FANCI: variants seen among roughly 807,000 people sequenced by gnomAD.
FANCI encodes the protein Fanconi anemia group I protein.
In FANCI, 156 loss-of-function variants were observed where a neutral mutation model predicts 176.1. That is an observed-to-expected ratio of 0.89 (90% CI 0.78 to 1.01). FANCI has a LOEUF of 1.01. FANCI is among the 50% of genes least tolerant of loss of function. The probability of loss-of-function intolerance (pLI) is 0.00; values close to 1 mark genes in which losing one functional copy is unlikely to be tolerated. For synonymous variants in FANCI, 613 were observed against 541.7 expected (o/e 1.13, Z -1.83); for missense variants, 1,678 against 1,534.1 (o/e 1.09, Z -1.57).
rs2054160564 is a variant in FANCI at position 89,293,944 on chromosome 15, T to C, written c.2403T>C (p.Ser801=). Residue 801 remains serine (S), a synonymous_variant, in exon 23 of 38, where the codon AGT becomes AGC. Coordinates refer to ENST00000310775, the MANE Select transcript of FANCI (RefSeq NM_001113378.2). ...KAKTKMANKT[S]DSLLSMKFVS... Reference sequence around the variant, plus strand: ...AAACTAAAATGGCCAACAAGACAAGTGATAGTCTTTTGTCCATGAAATTTG... The same window carrying C: ...AAACTAAAATGGCCAACAAGACAAGCGATAGTCTTTTGTCCATGAAATTTG... The C allele has an allele frequency of 6.2e-7, 1 of 1,614,120 alleles. No individual in the cohort carries two copies. Among genetic ancestry groups the C allele is most frequent in the African/African-American group, 1.3e-5 (1 of 75,006 alleles).
Position 89,300,350 on chromosome 15 carries a change from A to C in FANCI, c.2854A>C (p.Thr952Pro). Residue 952 changes from threonine to proline, a missense_variant, in exon 26 of 38, where the codon ACT (threonine) becomes CCT (proline). By Grantham distance (38) the Thr-to-Pro change is conservative (BLOSUM62 -1). Around this residue, in one of 3 missense-constraint regions of FANCI, gnomAD observed 1,204 missense variants for 1,077.4 expected, o/e 1.12. Coordinates refer to ENST00000310775, the MANE Select transcript of FANCI (RefSeq NM_001113378.2). ...GAGAGAAGATGCAGATGTCAGTGTCACTCAGAGAACAGCATTCCAGATCCG... is the reference window on the plus strand; with the variant it reads ...GAGAGAAGATGCAGATGTCAGTGTCCCTCAGAGAACAGCATTCCAGATCCG... Reference protein sequence around the residue: ...EEREDADVSVTQRTAFQIRQF... With the variant: ...EEREDADVSVPQRTAFQIRQF... 6.2e-7 allele frequency: 1 copy of C among 1,614,054 alleles called. No individual in the cohort carries two copies. Among genetic ancestry groups the C allele is most frequent in the Non-Finnish European group, 8.5e-7 (1 of 1,179,930 alleles).
intron 12 of FANCI, among the ~76,000 whole-genome samples, chr15:89,276,041 C>T (rs551100610): frequency 1.3e-5 from 2 of 152,222 alleles, no homozygotes; most frequent in Non-Finnish European, 2.9e-5. Flanking sequence ...CCATAACTGT[C>T]TACTTCATTC....
At chr15:89,265,645 T>C (rs1411769787) in intron 9 of FANCI, among the ~76,000 whole-genome samples, 1 of 152,020 alleles carries the variant, frequency 6.6e-6, no homozygotes, top group African/African-American at 2.4e-5. Flanking sequence ...TCCCTCAGCC[T>C]CCTGAGTAGC....
At chr15:89,295,384 A>AT (rs755421512) in intron 24 of FANCI, among the ~76,000 whole-genome samples, 2 of 143,660 alleles carry the variant, frequency 1.4e-5, no homozygotes, top group East Asian at 4.1e-4. Context: ...AAAAAAAAAA[A>AT]GCCAGACATG....
Position 89,281,839 on chromosome 15 carries a change from T to G in FANCI, c.1583+4T>G. ...TTCGGAAAGCTATGTTTGCCAAGTATGTAGCATCTTTTTCTATCATAGGAA... is the reference window on the plus strand; with the variant it reads ...TTCGGAAAGCTATGTTTGCCAAGTAGGTAGCATCTTTTTCTATCATAGGAA... On this transcript the variant is annotated splice_donor_region_variant and intron_variant, in intron 16 of 37. Transcript: ENST00000310775. The G allele has an allele frequency of 6.2e-7, 1 of 1,613,340 alleles. No individual in the cohort carries two copies. The highest frequency in any genetic ancestry group is 8.5e-7 in the Non-Finnish European group (1 of 1,179,460).
At chr15:89,317,206 A>G (rs182146869), downstream of FANCI, 43 of 654,926 alleles carry the variant, frequency 6.6e-5, no homozygotes, top group East Asian at 7.1e-4. Flanking sequence ...CTGAAACATC[A>G]TATCACATTC....
chr15:89,268,520 T>G lies in FANCI; in HGVS notation c.877T>G (p.Leu293Val). 1 of 1,614,176 alleles carries G rather than the reference T, an allele frequency of 6.2e-7. No homozygotes were observed. The highest frequency in any genetic ancestry group is 8.5e-7 in the Non-Finnish European group (1 of 1,180,010). ...YELGRELVKH[L>V]KVGQQGDSNN... ...ACTAGGCAGAGAACTCGTGAAACACTTAAAGGTAGCATCAAACTTGTAAGG... is the reference window on the plus strand; with the variant it reads ...ACTAGGCAGAGAACTCGTGAAACACGTAAAGGTAGCATCAAACTTGTAAGG... Residue 293 changes from leucine to valine, a missense_variant, in exon 10 of 38, where the codon TTA becomes GTA. Physicochemically the swap from Leu to Val is conservative, Grantham distance 32 (BLOSUM62 1). This residue lies in a region of FANCI where 469 missense variants were observed against 436.9 expected (regional missense o/e 1.07). Coordinates refer to ENST00000310775, the MANE Select transcript of FANCI (RefSeq NM_001113378.2).
rs2054704572 is a variant in FANCI, at chr15:89,306,024, G to C, written c.3367G>C (p.Ala1123Pro). The C allele has an allele frequency of 2.5e-6, 4 of 1,613,914 alleles. No homozygotes were observed. The African/African-American group carries it at 5.3e-5, about 22-fold the overall frequency. ...CCCTTTAGAAGAGGCCTCTTCTCAG[G>C]CAACCCTACCAAATCAGCCTGTTGA... Reference protein sequence around the residue: ...ETLSEEASSQATLPNQPVEKA... With the variant: ...ETLSEEASSQPTLPNQPVEKA... Residue 1123 changes from alanine (A) to proline (P), a missense_variant, in exon 32 of 38, where the codon GCA (alanine) becomes CCA (proline). By Grantham distance (27) the Ala-to-Pro change is conservative. Around this residue, in one of 3 missense-constraint regions of FANCI, gnomAD observed 1,204 missense variants for 1,077.4 expected, o/e 1.12. Transcript: ENST00000310775.
rs1453688600 is a variant in FANCI, at chr15:89,316,984, TTCTTTTTATA to T, written c.*527_*536del. 4.6e-5 allele frequency: 31 copies of T among 670,900 alleles called. No individual in the cohort carries two copies. In the East Asian group the frequency reaches 8.4e-4, roughly 18 times the overall value. The allele number at this position is 670,900 out of a possible 1,614,324, so 41.6% of individuals were successfully genotyped here. On this transcript the variant is annotated 3_prime_UTR_variant, in exon 38 of 38. Transcript: ENST00000310775. The stretch of plus-strand genomic sequence containing the variant: ...ATGTTACATGTTAGGAGGGTCTGTT[TTCTTTTTATA>T]TAAGTGTGTCTTAGATATATTTTAA...
At chr15:89,310,766 A>T (rs2054922468) in intron 34 of FANCI, among the ~76,000 whole-genome samples, 1 of 152,238 alleles carries the variant, frequency 6.6e-6, no homozygotes, top group South Asian at 2.1e-4. Flanking sequence ...CTCAATGGGA[A>T]GAAAGCAACG....
intron 28 of FANCI, 127 bp downstream of exon 28, chr15:89,304,042 C>G: frequency 2.4e-6 from 2 of 849,202 alleles, no homozygotes; most frequent in Non-Finnish European, 4.0e-6. Flanking sequence ...GAAACAGACA[C>G]CTAATACCAA....
chr15:89,277,225 C>T (rs1271499847), intron 13 of FANCI, among the ~76,000 whole-genome samples: 1 of 152,044 alleles, frequency 6.6e-6, no homozygotes, highest in Non-Finnish European at 1.5e-5. Context: ...TGTTTTAATG[C>T]TGTTCCTTTA....
chr15:89,291,500 T>C lies in FANCI; in HGVS notation c.1891-113T>C, dbSNP rs2054068223. On this transcript the variant is annotated intron_variant, in intron 19 of 37. Coordinates refer to ENST00000310775, the MANE Select transcript of FANCI (RefSeq NM_001113378.2). ...TTGGCTGCATTGTTCTTTGAACAGT[T>C]GGGAAATGTGTGTTAGAAGGCATTA... 6 of 848,516 alleles carry C rather than the reference T, an allele frequency of 7.1e-6. No homozygotes were observed. In the South Asian group the frequency reaches 8.2e-5, roughly 12 times the overall value. The allele number at this position is 848,516 out of a possible 1,614,324, so 52.6% of individuals were successfully genotyped here. A position where few individuals can be genotyped will look rare whatever the true frequency, so the allele number is the denominator to read the frequency against.
intron 2 of FANCI, among the ~76,000 whole-genome samples, chr15:89,249,504 T>C (rs1183205673): frequency 6.6e-6 from 1 of 152,134 alleles, no homozygotes; most frequent in Non-Finnish European, 1.5e-5. Flanking sequence ...TGTGCCACCA[T>C]GTCCGACTAA....
chr15:89,269,365 A>AT (rs1384601049), intron 10 of FANCI, among the ~76,000 whole-genome samples: 1 of 151,630 alleles, frequency 6.6e-6, no homozygotes, highest in Non-Finnish European at 1.5e-5. Flanking sequence ...CCCTATTCAC[A>AT]TTTTCACAGT....
At chr15:89,268,704 T>C in intron 10 of FANCI, 179 bp downstream of exon 10, 2 of 636,656 alleles carry the variant, frequency 3.1e-6, no homozygotes, top group Non-Finnish European at 2.6e-6. Context: ...CCACACTCCC[T>C]TTTTTTTAAT....
In FANCI at chr15:89,268,457, A is replaced by C. The variant is rs751929039; in HGVS notation, c.814A>C (p.Ile272Leu). The C allele has an allele frequency of 6.2e-7, 1 of 1,614,164 alleles. No individual in the cohort carries two copies. Among genetic ancestry groups the C allele is most frequent in the Non-Finnish European group, 8.5e-7 (1 of 1,180,010 alleles). ...ACTTCGTCATGTGGAAGGCACCATT[A>C]TTCTACACATTGTGTTTGCCATCAA... is the stretch of plus-strand genomic sequence containing the variant. ...GELRHVEGTI[I>L]LHIVFAIKLD... is the part of the protein sequence containing the mutation. The change falls in exon 10 of 38, where the codon ATT becomes CTT. Residue 272 changes from isoleucine (I) to leucine (L), a missense_variant. Coordinates refer to ENST00000310775, the MANE Select transcript of FANCI (RefSeq NM_001113378.2).
chr15:89,292,421 G>A (rs369934000), intron 20 of FANCI, among the ~76,000 whole-genome samples: 91 of 152,274 alleles, frequency 6.0e-4, no homozygotes, highest in Non-Finnish European at 1.2e-3. Context: ...TAGCTCCAGG[G>A]TTATTTATCA....
intron 19 of FANCI, among the ~76,000 whole-genome samples, chr15:89,290,814 C>G (rs1311516530): frequency 1.3e-5 from 2 of 152,120 alleles, no homozygotes; most frequent in Non-Finnish European, 2.9e-5. Flanking sequence ...TTTGCTGTCT[C>G]TCAATGCCAT....
Sources: allele counts gnomAD v4.1 joint callset (sites outside exome capture counted in the v4.1 genomes callset), GRCh38; gene constraint gnomAD v4.1.1; regional missense constraint gnomAD v4.1.1; transcripts MANE v1.5; gene names NCBI Gene and HGNC (gene_info 2026-07-23, HGNC 2026-07-21).